The following MYO18B variants were observed in gnomAD, a reference collection of about 807,000 sequenced individuals.
MYO18B encodes the protein unconventional myosin-XVIIIb.
A neutral mutation model predicts 273.0 loss-of-function variants in MYO18B; 204 were observed. That is an observed-to-expected ratio of 0.75 (90% CI 0.67 to 0.84). MYO18B has a LOEUF of 0.84. Ranked by LOEUF, MYO18B falls within the 40% of genes least tolerant of loss-of-function variation. The pLI is 0.00. For missense variants in MYO18B, 3,212 were observed against 3,287.6 expected (o/e 0.98, Z 0.56); for synonymous variants, 1,330 against 1,305.7 (o/e 1.02, Z -0.40).
chr22:25,763,174 G>C lies in MYO18B; in HGVS notation c.40-57G>C, dbSNP rs920914036. The C allele has an allele frequency of 4.3e-5, 69 of 1,607,132 alleles. No individual in the cohort carries two copies. The African/African-American group carries it at 8.0e-4, about 19-fold the overall frequency. ...GCTCCATCACAAACTTTGAAGGGCA[G>C]CTTGCTCCTGCTGGTTGACTCACTG... On this transcript the variant is annotated intron_variant, in intron 2 of 43. Transcript: ENST00000335473.
At chr22:25,776,502 C>T (rs572513656) in intron 7 of MYO18B, among the ~76,000 whole-genome samples, 2 of 152,224 alleles carry the variant, frequency 1.3e-5, no homozygotes, top group South Asian at 2.1e-4. Flanking sequence ...AAGGCTGAGG[C>T]GGGAGATTCG....
intron 39 of MYO18B, among the ~76,000 whole-genome samples, chr22:25,976,278 G>A (rs377269423): frequency 1.3e-5 from 2 of 152,222 alleles, no homozygotes; most frequent in African/African-American, 4.8e-5. Flanking sequence ...AGTGTCTTTT[G>A]GTCAGAAATA....
chr22:25,943,712 T>C (rs1370859215), intron 34 of MYO18B, among the ~76,000 whole-genome samples: 1 of 7,586 alleles, frequency 1.3e-4, no homozygotes, highest in South Asian at 2.8e-3. Flanking sequence ...CTTTCTTTCC[T>C]TTTTTTTTTT....
In MYO18B at chr22:25,826,491, C is replaced by T. The variant is rs2089496344; in HGVS notation, c.2778C>T (p.Leu926=). 1 of 1,613,420 alleles carries T rather than the reference C, an allele frequency of 6.2e-7. No individual in the cohort carries two copies. Among genetic ancestry groups the T allele is most frequent in the Non-Finnish European group, 8.5e-7 (1 of 1,179,528 alleles). The change falls in exon 14 of 44, where the codon CTC becomes CTT. Residue 926 remains leucine (L), a synonymous_variant. Transcript: ENST00000335473. The part of the protein sequence containing the change: ...YQELFAAVVS[L]INRSFSSHHL... Reference sequence around the variant, plus strand: ...AACTCTTTGCGGCTGTGGTCTCACTCATCAACAGGTAACGGGGCCTTTTCC... The same window carrying T: ...AACTCTTTGCGGCTGTGGTCTCACTTATCAACAGGTAACGGGGCCTTTTCC...
chr22:25,798,327 A>T (rs2088022165), intron 12 of MYO18B, among the ~76,000 whole-genome samples: 1 of 152,196 alleles, frequency 6.6e-6, no homozygotes, highest in Non-Finnish European at 1.5e-5. Context: ...TTCTGCAATG[A>T]TGGAGATTAC....
rs2086755447 is a variant in MYO18B at position 25,772,420 on chromosome 22, G to A, written c.1779G>A (p.Gln593=). 4 of 1,613,942 alleles carry A rather than the reference G, an allele frequency of 2.5e-6. No homozygotes were observed. In the Admixed American group the frequency reaches 6.7e-5, roughly 27 times the overall value. The change falls in exon 7 of 44, where the codon CAG becomes CAA. Residue 593 remains glutamine (Q), a synonymous_variant. Transcript: ENST00000335473. ...CCAGTGTCCTGAACACGCTTCTGCAGCGCTACAAAGCTCAGCTGCTGCACA... is the reference window on the plus strand; with the variant it reads ...CCAGTGTCCTGAACACGCTTCTGCAACGCTACAAAGCTCAGCTGCTGCACA... ...NESSVLNTLL[Q]RYKAQLLHTC...
chr22:25,960,788 C>T (rs2092909662), intron 39 of MYO18B, among the ~76,000 whole-genome samples: 1 of 152,168 alleles, frequency 6.6e-6, no homozygotes, highest in Admixed American at 6.5e-5. Flanking sequence ...TCCCTTCAGT[C>T]TTGGTCCGCC....
chr22:25,853,706 C>G (rs2090488970), intron 21 of MYO18B, among the ~76,000 whole-genome samples: 2 of 152,122 alleles, frequency 1.3e-5, no homozygotes, highest in South Asian at 4.2e-4. Flanking sequence ...GGAAGTGTTT[C>G]TACTCTGAAT....
At chr22:25,979,625 G>A (rs1458546880) in intron 39 of MYO18B, among the ~76,000 whole-genome samples, 4 of 152,258 alleles carry the variant, frequency 2.6e-5, no homozygotes, top group East Asian at 3.9e-4. Flanking sequence ...ATGCTGCATC[G>A]GAAGTCATAG....
intron 31 of MYO18B, among the ~76,000 whole-genome samples, chr22:25,905,433 C>T (rs182026239): frequency 5.2e-4 from 79 of 152,282 alleles, no homozygotes; most frequent in Non-Finnish European, 9.0e-4. Flanking sequence ...TCTGCCCTCC[C>T]AAAGTTTATA....
At chr22:26,062,917 G>C in the MYO18B span, among the ~76,000 whole-genome samples, 4 of 152,160 alleles carry the variant, frequency 2.6e-5, no homozygotes, top group Non-Finnish European at 5.9e-5. Context: ...ACACAGGGTA[G>C]CCTCCATCCA....
intron 34 of MYO18B, among the ~76,000 whole-genome samples, chr22:25,936,444 A>G (rs2092579430): frequency 6.6e-6 from 1 of 152,342 alleles, no homozygotes; most frequent in African/African-American, 2.4e-5. Context: ...CACAGGACTT[A>G]CAGGAAAAAG....
intron 33 of MYO18B, among the ~76,000 whole-genome samples, chr22:25,919,188 C>A (rs1025737089): frequency 6.6e-6 from 1 of 152,174 alleles, no homozygotes; most frequent in African/African-American, 2.4e-5. Flanking sequence ...GAGTAGCTAC[C>A]TCCTACTTCC....
chr22:25,839,026 G>T (rs1341947746), intron 17 of MYO18B, among the ~76,000 whole-genome samples: 4 of 151,684 alleles, frequency 2.6e-5, no homozygotes, highest in African/African-American at 9.7e-5. Context: ...GCACCTGTGT[G>T]TGTATGTATG....
Position 25,777,572 on chromosome 22 carries a change from T to C in MYO18B, c.1870-11T>C. The C allele has an allele frequency of 6.4e-7, 1 of 1,574,008 alleles. No homozygotes were observed. Among genetic ancestry groups the C allele is most frequent in the Non-Finnish European group, 8.6e-7 (1 of 1,160,968 alleles). On this transcript the variant is annotated splice_polypyrimidine_tract_variant and intron_variant, in intron 7 of 43. Transcript: ENST00000335473. ...TGGATGGGATGGCTGATACCTGTGA[T>C]CTTCCTGCAGGTGCCCAAGGGCCGC...
At chr22:25,846,077 C>T (rs1021258403) in intron 18 of MYO18B, 23 bp from the exon 19 acceptor site, 21 of 1,498,954 alleles carry the variant, frequency 1.4e-5, no homozygotes, top group Non-Finnish European at 1.9e-5. Context: ...AAGCTCCTCT[C>T]TCTTTTCCCT....
intron 11 of MYO18B, among the ~76,000 whole-genome samples, chr22:25,789,487 T>C (rs1300135815): frequency 6.6e-6 from 1 of 151,108 alleles, no homozygotes; most frequent in South Asian, 2.1e-4. Flanking sequence ...AATACAAAAA[T>C]TAGCCAGGTG....
At chr22:25,991,894 G>A (rs948981047) in intron 39 of MYO18B, among the ~76,000 whole-genome samples, 1 of 137,106 alleles carries the variant, frequency 7.3e-6, no homozygotes. Context: ...AGCAAGGTGG[G>A]GGTGTTTAGG....
At chr22:25,783,997 T>C (rs1354575018) in intron 10 of MYO18B, among the ~76,000 whole-genome samples, 2 of 152,234 alleles carry the variant, frequency 1.3e-5, no homozygotes, top group Non-Finnish European at 2.9e-5. Flanking sequence ...CTTGCACAAA[T>C]GTCCTTTCTC....
Sources: allele counts gnomAD v4.1 joint callset (sites outside exome capture counted in the v4.1 genomes callset), GRCh38; gene constraint gnomAD v4.1.1; transcripts MANE v1.5; gene names NCBI Gene and HGNC (gene_info 2026-07-23, HGNC 2026-07-21).